Variants in WDR7 observed in about 807,000 individuals in gnomAD.
WDR7 encodes WD repeat domain 7, also known as WD repeat-containing protein 7.
A neutral mutation model predicts 169.4 loss-of-function variants in WDR7; 46 were observed. The ratio of observed to expected loss-of-function variants is 0.27; its 90% CI spans 0.21 to 0.35. WDR7 has a LOEUF of 0.35. WDR7 is among the 10% of genes least tolerant of loss of function. The pLI, the probability that WDR7 is intolerant of heterozygous loss-of-function variation, is 1.00. For missense variants in WDR7, 1,534 were observed against 1,859.3 expected, an observed-to-expected ratio of 0.83 and a Z score of 3.22; for synonymous variants, 612 against 666.8, an observed-to-expected ratio of 0.92 and a Z score of 1.27.
chr18:56,811,096 C>T (rs1359061262), intron 19 of WDR7, among the ~76,000 whole-genome samples: 1 of 152,140 alleles, frequency 6.6e-6, no homozygotes, highest in East Asian at 1.9e-4. Flanking sequence ...AATATTTATT[C>T]ATGCCATAGC....
At chr18:56,865,808 A>G (rs527729558) in intron 20 of WDR7, among the ~76,000 whole-genome samples, 1 of 152,142 alleles carries the variant, frequency 6.6e-6, no homozygotes, top group Non-Finnish European at 1.5e-5. Context: ...AAACAATTTA[A>G]TGTAGTTCAT....
chr18:56,682,888 C>T lies in WDR7; in HGVS notation c.520+35C>T, dbSNP rs542925882. ...TTATGCCTGTTAGGAGCTTTAGCAC[C>T]ATGACTTAATGTTTAGTTTACTAGA... On this transcript the variant is annotated intron_variant, in intron 5 of 27. Transcript: ENST00000254442. 5 of 1,584,954 alleles carry T rather than the reference C, an allele frequency of 3.2e-6. No individual in the cohort carries two copies. In the South Asian group the frequency reaches 3.5e-5, roughly 11 times the overall value.
intron 20 of WDR7, among the ~76,000 whole-genome samples, chr18:56,869,234 A>G (rs1467988919): frequency 6.6e-6 from 1 of 152,202 alleles, no homozygotes; most frequent in Non-Finnish European, 1.5e-5. Flanking sequence ...TTAATGGAAA[A>G]TAGCTTTGTC....
At chr18:56,973,134 C>A (rs1233445521) in intron 26 of WDR7, among the ~76,000 whole-genome samples, 2 of 152,252 alleles carry the variant, frequency 1.3e-5, no homozygotes, top group African/African-American at 4.8e-5. Flanking sequence ...CCTCATCCTA[C>A]CAAAGTGCTG....
In WDR7 at chr18:57,022,688, T is replaced by C. The variant is rs182106818; in HGVS notation, c.4269+1839T>C. Among the ~76,000 whole-genome samples, 149 of 152,340 alleles carry C rather than the reference T, an allele frequency of 9.8e-4. No homozygotes were observed. The Middle Eastern group carries it at 0.024, about 24-fold the overall frequency. On this transcript the variant is annotated intron_variant, in intron 27 of 27. Coordinates refer to ENST00000254442, the MANE Select transcript of WDR7 (RefSeq NM_015285.3). ...TTATTTGGATATGCTCATCCCTTCC[T>C]TGAATATTTTTCTATTTATATCAAA... is the stretch of plus-strand genomic sequence containing the variant.
intron 21 of WDR7, among the ~76,000 whole-genome samples, chr18:56,885,838 AAAAC>A (rs2046184160): frequency 1.3e-5 from 2 of 151,912 alleles, no homozygotes; most frequent in African/African-American, 2.4e-5. Flanking sequence ...AAAAAAAAAA[AAAAC>A]AAAAAACTTC....
chr18:56,936,714 C>CA (rs2046965531), intron 23 of WDR7, among the ~76,000 whole-genome samples: 1 of 152,100 alleles, frequency 6.6e-6, no homozygotes, highest in African/African-American at 2.4e-5. Context: ...ATATTTGTGC[C>CA]ATGCATTTCG....
chr18:56,818,030 AC>A (rs1347714911), intron 20 of WDR7, among the ~76,000 whole-genome samples: 1 of 152,208 alleles, frequency 6.6e-6, no homozygotes, highest in Non-Finnish European at 1.5e-5. Flanking sequence ...GGCATGAGCC[AC>A]TGCACCTGGC....
At chr18:57,007,173 G>A (rs1014596648) in intron 26 of WDR7, among the ~76,000 whole-genome samples, 1 of 152,018 alleles carries the variant, frequency 6.6e-6, no homozygotes, top group African/African-American at 2.4e-5. Context: ...TAGAGACGGG[G>A]TTTCACCATG....
Position 56,858,248 on chromosome 18 carries a change from G to A in WDR7, c.3305-21696G>A, listed in dbSNP as rs188280137. ...TCTTTAGCTCAGACTTTTTATTCCT[G>A]TGTAATAGCTCCTCTTTTCCATGTT... is the stretch of plus-strand genomic sequence containing the variant. On this transcript the variant is annotated intron_variant, in intron 20 of 27. Coordinates refer to ENST00000254442, the MANE Select transcript of WDR7 (RefSeq NM_015285.3). Among the ~76,000 whole-genome samples the A allele has an allele frequency of 5.3e-5, 8 of 152,122 alleles. No homozygotes were observed. In the Middle Eastern group the frequency reaches 0.014, roughly 259 times the overall value.
At chr18:56,831,182 C>G (rs986596063) in intron 20 of WDR7, among the ~76,000 whole-genome samples, 1 of 152,036 alleles carries the variant, frequency 6.6e-6, no homozygotes, top group South Asian at 2.1e-4. Context: ...CAGAAAGAGT[C>G]AAATCCTGGG....
intron 14 of WDR7, among the ~76,000 whole-genome samples, chr18:56,735,210 G>A (rs1418330423): frequency 6.6e-6 from 1 of 152,148 alleles, no homozygotes; most frequent in East Asian, 1.9e-4. Context: ...TGGAAAAGGG[G>A]ATGGTTAGGA....
chr18:56,795,199 G>A (rs762501413), intron 19 of WDR7, among the ~76,000 whole-genome samples: 2 of 152,126 alleles, frequency 1.3e-5, no homozygotes, highest in African/African-American at 2.4e-5. Context: ...ATCAGTGGAA[G>A]CCTCTTTAGT....
At chr18:56,708,930 C>G (rs12963162) in intron 12 of WDR7, among the ~76,000 whole-genome samples, 1 of 152,164 alleles carries the variant, frequency 6.6e-6, no homozygotes, top group African/African-American at 2.4e-5. Flanking sequence ...GAACGAGACT[C>G]TGTCTCAAAC....
intron 21 of WDR7, among the ~76,000 whole-genome samples, chr18:56,916,920 G>A (rs369139753): frequency 3.6e-4 from 55 of 151,820 alleles, no homozygotes; most frequent in African/African-American, 1.2e-3. Flanking sequence ...AAAATTAGCC[G>A]GGCGTGGTGG....
chr18:56,955,546 T>A (rs1363655556), intron 25 of WDR7, among the ~76,000 whole-genome samples: 2 of 152,196 alleles, frequency 1.3e-5, no homozygotes, highest in Non-Finnish European at 2.9e-5. Flanking sequence ...GCATTCATTT[T>A]CCTTATGTAT....
chr18:56,698,615 A>G (rs1365543733), intron 12 of WDR7, among the ~76,000 whole-genome samples: 2 of 152,132 alleles, frequency 1.3e-5, no homozygotes, highest in African/African-American at 4.8e-5. Flanking sequence ...CAAAAAAAAA[A>G]AAAAAAATTC....
chr18:56,727,227 A>G (rs2026478019), intron 13 of WDR7, among the ~76,000 whole-genome samples: 1 of 152,150 alleles, frequency 6.6e-6, no homozygotes, highest in African/African-American at 2.4e-5. Context: ...CTATTACTCC[A>G]TCTTGGCTGG....
At chr18:56,803,289 T>C (rs1216301105) in intron 19 of WDR7, among the ~76,000 whole-genome samples, 1 of 152,216 alleles carries the variant, frequency 6.6e-6, no homozygotes, top group Non-Finnish European at 1.5e-5. Flanking sequence ...ATGTGTCATC[T>C]GCTAGCACAA....
Sources: allele counts gnomAD v4.1 joint callset (sites outside exome capture counted in the v4.1 genomes callset), GRCh38; gene constraint gnomAD v4.1.1; transcripts MANE v1.5; gene names NCBI Gene and HGNC (gene_info 2026-07-23, HGNC 2026-07-21).